CNRIP1: variants seen among roughly 807,000 people sequenced by gnomAD.
The protein encoded by CNRIP1 is CB1 cannabinoid receptor-interacting protein 1.
CNRIP1 carries 10 observed loss-of-function variants against 15.2 expected under a neutral mutation model. That is an observed-to-expected ratio of 0.66 (90% CI 0.41 to 1.12). The LOEUF is 1.12. Among genes scored for constraint, CNRIP1 ranks in the 50% most tolerant of loss-of-function variants. The probability of loss-of-function intolerance (pLI) is 0.00; values close to 1 mark genes in which losing one functional copy is unlikely to be tolerated. For synonymous variants in CNRIP1, 91 were observed against 83.2 expected, an observed-to-expected ratio of 1.09 and a Z score of -0.51; for missense variants, 211 against 214.7, an observed-to-expected ratio of 0.98 and a Z score of 0.11.
At chr2:68,284,493 A>G (rs1247936753) in intron 2 of CNRIP1, 2 of 1,531,470 alleles carry the variant, frequency 1.3e-6, no homozygotes, top group Admixed American at 2.0e-5. Context: ...TCCTGAAAAT[A>G]AATAGATACC....
intron 2 of CNRIP1, among the ~76,000 whole-genome samples, chr2:68,285,057 C>T (rs1242988556): frequency 6.6e-6 from 1 of 152,140 alleles, no homozygotes; most frequent in Non-Finnish European, 1.5e-5. Flanking sequence ...AGCTTTAAGC[C>T]TGTCTTCCCT....
At chr2:68,304,803 A>G (rs950416145) in intron 2 of CNRIP1, among the ~76,000 whole-genome samples, 1 of 152,144 alleles carries the variant, frequency 6.6e-6, no homozygotes, top group Non-Finnish European at 1.5e-5. Flanking sequence ...GATAATAAAG[A>G]AAATGATTGA....
At chr2:68,291,298 T>C (rs1286563909), downstream of CNRIP1, among the ~76,000 whole-genome samples, 1 of 152,112 alleles carries the variant, frequency 6.6e-6, no homozygotes, top group Non-Finnish European at 1.5e-5. Flanking sequence ...TTTCCCCTTT[T>C]TTTTTTAAAG....
At chr2:68,295,268 GCT>G (rs561136771) in intron 2 of CNRIP1, among the ~76,000 whole-genome samples, 116 of 152,268 alleles carry the variant, frequency 7.6e-4, no homozygotes, top group Non-Finnish European at 1.2e-3. Flanking sequence ...TTTCCAAGAT[GCT>G]CTCAAAATTA....
downstream of CNRIP1, among the ~76,000 whole-genome samples, chr2:68,292,079 T>C (rs1369715499): frequency 1.3e-5 from 2 of 152,204 alleles, no homozygotes; most frequent in African/African-American, 2.4e-5. Flanking sequence ...TGCATTTCTA[T>C]TGGATATTCT....
chr2:68,312,529 A>G (rs1672130744), intron 2 of CNRIP1, among the ~76,000 whole-genome samples: 1 of 152,206 alleles, frequency 6.6e-6, no homozygotes, highest in Non-Finnish European at 1.5e-5. Flanking sequence ...GAAAAACAGA[A>G]TGCTTTCTCT....
chr2:68,287,196 GT>G (rs1671051966), intron 2 of CNRIP1, among the ~76,000 whole-genome samples: 1 of 152,176 alleles, frequency 6.6e-6, no homozygotes, highest in Non-Finnish European at 1.5e-5. Context: ...TTTTGGAGAA[GT>G]TTTACTTTAC....
In CNRIP1 at chr2:68,319,623, G is replaced by T. The variant is rs1420625865; in HGVS notation, c.-223C>A. The T allele has an allele frequency of 7.9e-6, 4 of 506,668 alleles. No homozygotes were observed. Among genetic ancestry groups the T allele is most frequent in the African/African-American group, 4.1e-5 (2 of 48,570 alleles). 31.4% of individuals were successfully genotyped at this position (506,668 alleles called of 1,614,324 possible). A position where few individuals can be genotyped will look rare whatever the true frequency, so the allele number is the denominator to read the frequency against. On this transcript the variant is annotated 5_prime_UTR_variant, in exon 1 of 3. Coordinates refer to ENST00000263655, the MANE Select transcript of CNRIP1 (RefSeq NM_015463.3). The stretch of plus-strand genomic sequence containing the variant: ...CCCCCTCCCCACTCGGCGAGGAAGC[G>T]GGCCCAAGAGACGGCTCCAAGGCCG...
intron 2 of CNRIP1, among the ~76,000 whole-genome samples, chr2:68,315,342 G>A (rs1345103739): frequency 6.6e-6 from 1 of 152,098 alleles, no homozygotes; most frequent in African/African-American, 2.4e-5. Flanking sequence ...AGAGAGAAAT[G>A]GATACTTAAA....
At chr2:68,296,558 A>ATGTGTGTGTG (rs1267128146) in intron 2 of CNRIP1, among the ~76,000 whole-genome samples, 3 of 96,558 alleles carry the variant, frequency 3.1e-5, no homozygotes, top group South Asian at 8.8e-4. Context: ...ATGTGTATAT[A>ATGTGTGTGTG]TGTGTATGTG....
chr2:68,305,169 G>A (rs1009483217), intron 2 of CNRIP1, among the ~76,000 whole-genome samples: 17 of 150,834 alleles, frequency 1.1e-4, no homozygotes, highest in African/African-American at 3.7e-4. Flanking sequence ...GCTTGAACCC[G>A]GGAGGCAGAG....
At chr2:68,290,036 T>C (rs1671124649), downstream of CNRIP1, among the ~76,000 whole-genome samples, 1 of 146,498 alleles carries the variant, frequency 6.8e-6, no homozygotes, top group Non-Finnish European at 1.5e-5. Context: ...TTTTTTTTTT[T>C]TTTTTTTTTT....
intron 2 of CNRIP1, chr2:68,316,794 G>A (rs1672288523): frequency 2.1e-6 from 1 of 482,628 alleles, no homozygotes; most frequent in South Asian, 3.0e-5. Context: ...ATTCAAATCA[G>A]CTTTCTCTTA....
downstream of CNRIP1, among the ~76,000 whole-genome samples, chr2:68,289,771 G>A (rs1404660054): frequency 6.6e-6 from 1 of 152,064 alleles, no homozygotes; most frequent in African/African-American, 2.4e-5. Context: ...ATGAGCCAAC[G>A]TGCCCAGGCT....
chr2:68,303,828 G>A (rs77785528), intron 2 of CNRIP1, among the ~76,000 whole-genome samples: 1,947 of 152,282 alleles, frequency 0.013, 51 homozygotes, highest in African/African-American at 0.043. Flanking sequence ...TGTAATCCCA[G>A]GACTTTGGGA....
At chr2:68,303,549 C>A (rs10189004) in intron 2 of CNRIP1, among the ~76,000 whole-genome samples, 1 of 152,198 alleles carries the variant, frequency 6.6e-6, no homozygotes, top group South Asian at 2.1e-4. Flanking sequence ...ACTTCTTTTG[C>A]TTTAGATGTA....
chr2:68,319,092 C>G, intron 1 of CNRIP1, 130 bp downstream of exon 1: 2 of 941,850 alleles, frequency 2.1e-6, no homozygotes, highest in Non-Finnish European at 3.0e-6. Flanking sequence ...ACCTCTTCCT[C>G]CAACCCCCGG....
In CNRIP1 at chr2:68,319,524, A is replaced by G. The variant is rs979358725; in HGVS notation, c.-124T>C. The G allele has an allele frequency of 8.3e-5, 88 of 1,061,444 alleles. No individual in the cohort carries two copies. Among genetic ancestry groups the G allele is most frequent in the Non-Finnish European group, 1.1e-4 (84 of 779,160 alleles). The allele number at this position is 1,061,444 out of a possible 1,614,324, so 65.8% of individuals were successfully genotyped here. ...GAGGGTGAGGGAGGTGGTGGAGCTG[A>G]GGCTGCCGCTAGGAACCCGCGCCGT... On this transcript the variant is annotated 5_prime_UTR_variant, in exon 1 of 3. Transcript: ENST00000263655.
At chr2:68,297,567 C>CAAAAAAAAAAAAAAAAAA (rs112601365) in intron 2 of CNRIP1, among the ~76,000 whole-genome samples, 1 of 98,868 alleles carries the variant, frequency 1.0e-5, no homozygotes, top group Non-Finnish European at 2.1e-5. Flanking sequence ...GACACTGTCT[C>CAAAAAAAAAAAAAAAAAA]AAAAAAAAAA....
Sources: gnomAD v4.1 joint callset for allele counts (sites outside exome capture counted in the v4.1 genomes callset) on GRCh38, gnomAD v4.1.1 for gene constraint, MANE v1.5 for transcripts, NCBI Gene and HGNC (gene_info 2026-07-23, HGNC 2026-07-21) for gene names.